SAMD14: variants seen among roughly 807,000 people sequenced by gnomAD.
SAMD14 encodes the protein sterile alpha motif domain-containing protein 14.
A neutral mutation model predicts 46.2 loss-of-function variants in SAMD14; 27 were observed. That is an observed-to-expected ratio of 0.58 (90% confidence interval 0.43 to 0.81). The LOEUF (loss-of-function observed/expected upper bound fraction) is 0.81. SAMD14 is among the 30% of genes least tolerant of loss of function. The pLI is 0.00. For synonymous variants in SAMD14, 241 were observed against 254.3 expected, an observed-to-expected ratio of 0.95 and a Z score of 0.50; for missense variants, 559 against 582.2, an observed-to-expected ratio of 0.96 and a Z score of 0.41.
At chr17:50,126,256 T>C (rs1911764553) in intron 1 of SAMD14, among the ~76,000 whole-genome samples, 1 of 152,092 alleles carries the variant, frequency 6.6e-6, no homozygotes, top group South Asian at 2.1e-4. Flanking sequence ...ACTCTTCTTT[T>C]CTGTTATTAC....
At chr17:50,125,541 A>G (rs1368604066) in intron 1 of SAMD14, among the ~76,000 whole-genome samples, 1 of 151,988 alleles carries the variant, frequency 6.6e-6, no homozygotes, top group African/African-American at 2.4e-5. Context: ...TTGCCTACTC[A>G]TCATCCATTC....
At chr17:50,127,744 T>C (rs1911845530) in intron 1 of SAMD14, among the ~76,000 whole-genome samples, 1 of 152,158 alleles carries the variant, frequency 6.6e-6, no homozygotes, top group African/African-American at 2.4e-5. Context: ...CAGGGGCTAC[T>C]AGCAAAGATC....
chr17:50,114,411 T>G lies in SAMD14; in HGVS notation c.823-105A>C, dbSNP rs771533384. 9 of 1,613,838 alleles carry G rather than the reference T, an allele frequency of 5.6e-6. No homozygotes were observed. In the South Asian group the frequency reaches 8.8e-5, roughly 16 times the overall value. On this transcript the variant is annotated intron_variant, in intron 7 of 9. Coordinates refer to ENST00000330175, the MANE Select transcript of SAMD14 (RefSeq NM_001257359.2). Reference sequence around the variant, plus strand: ...GGACTAGGCACCAGGAGTTGCTCAGTGCCTCCTGTGCATGAGCCAGGAGCT... The same window carrying G: ...GGACTAGGCACCAGGAGTTGCTCAGGGCCTCCTGTGCATGAGCCAGGAGCT...
chr17:50,114,621 T>G (rs1428948994), intron 7 of SAMD14: 19 of 603,318 alleles, frequency 3.1e-5, no homozygotes, highest in Non-Finnish European at 5.1e-5. Flanking sequence ...CTGGGTCAGG[T>G]GTCTCTGCTA....
intron 2 of SAMD14, chr17:50,124,230 G>A: frequency 2.2e-6 from 1 of 455,202 alleles, no homozygotes; most frequent in Non-Finnish European, 4.4e-6. Context: ...CCACACAAGA[G>A]AAGATTGCAG....
At chr17:50,125,096 A>G (rs1911705028) in intron 1 of SAMD14, 125 bp from the exon 2 acceptor site, 1 of 810,036 alleles carries the variant, frequency 1.2e-6, no homozygotes, top group Non-Finnish European at 2.0e-6. Context: ...CTTACCTTAG[A>G]ACCCTTCTTC....
intron 1 of SAMD14, among the ~76,000 whole-genome samples, chr17:50,126,870 C>T (rs933270586): frequency 3.3e-5 from 5 of 151,508 alleles, no homozygotes; most frequent in African/African-American, 9.7e-5. Flanking sequence ...GAGGCCGAGG[C>T]GGGCAGATCA....
intron 1 of SAMD14, among the ~76,000 whole-genome samples, chr17:50,127,145 CAAT>C (rs577717610): frequency 2.3e-4 from 34 of 150,844 alleles, no homozygotes; most frequent in East Asian, 1.2e-3. Flanking sequence ...TAAATAAAAG[CAAT>C]AATAATAATA....
rs34276548 is a variant in SAMD14 at position 50,129,864 on chromosome 17, A to G, written c.-360T>C. 12,110 of 138,070 alleles carry G rather than the reference A, an allele frequency of 0.088. 992 individuals are homozygous for G. Among genetic ancestry groups the G allele is most frequent in the East Asian group, 0.46 (2,329 of 5,074 alleles). The allele number at this position is 138,070 out of a possible 1,614,324, so 8.6% of individuals were successfully genotyped here. ...TGTGACAGAGAGAGAGAGAGAGAGA[A>G]GAGCGAAGAGCGAGCGCCACCTCCC... On this transcript the variant is annotated 5_prime_UTR_variant, in exon 1 of 10. Coordinates refer to ENST00000330175, the MANE Select transcript of SAMD14 (RefSeq NM_001257359.2). This position sits in a 1 kb window ranked among gnomAD's most constrained non-coding sequence, Gnocchi z 5.6.
Position 50,117,473 on chromosome 17 carries a change from C to G in SAMD14, c.433G>C (p.Ala145Pro). 2.9e-6 allele frequency: 4 copies of G among 1,400,764 alleles called. No individual in the cohort carries two copies. The highest frequency in any genetic ancestry group is 3.7e-6 in the Non-Finnish European group (4 of 1,085,348). 86.8% of individuals were successfully genotyped at this position (1,400,764 alleles called of 1,614,324 possible). Residue 145 changes from alanine (A) to proline (P), a missense_variant, in exon 4 of 10, where the codon GCG becomes CCG. Transcript: ENST00000330175. The part of the protein sequence containing the change: ...AAASCSPPRS[A>P]PSSDSSPSFV... The stretch of plus-strand genomic sequence containing the variant: ...CTGGGGGAGCTGTCGGAGGAGGGCG[C>G]GGAGCGCGGCGGAGAGCAGGAGGCG...
At position 50,118,250 on chromosome 17, in the gene SAMD14, C is replaced by A; in HGVS notation, c.121G>T (p.Gly41Cys). Residue 41 changes from glycine (G) to cysteine (C), a missense_variant, in exon 3 of 10, where the codon GGC (glycine) becomes TGC (cysteine). Coordinates refer to ENST00000330175, the MANE Select transcript of SAMD14 (RefSeq NM_001257359.2). ...HKARAQLLAK[G>C]RRHRPSRSRL... ...GAGCGGGATGGCCGGTGTCTCCGGC[C>A]CTTGGCCAACAGTTGGGCCCGGGCC... 6.2e-7 allele frequency: 1 copy of A among 1,613,948 alleles called. No individual in the cohort carries two copies. The highest frequency in any genetic ancestry group is 8.5e-7 in the Non-Finnish European group (1 of 1,179,956).
chr17:50,119,067 C>G (rs955335370), intron 2 of SAMD14, among the ~76,000 whole-genome samples: 1 of 152,184 alleles, frequency 6.6e-6, no homozygotes, highest in African/African-American at 2.4e-5. Context: ...TGCTGAGCAT[C>G]TAGAGGGCTT....
intron 2 of SAMD14, among the ~76,000 whole-genome samples, chr17:50,120,042 G>A (rs1397657402): frequency 1.3e-5 from 2 of 152,224 alleles, no homozygotes; most frequent in African/African-American, 2.4e-5. Context: ...TATTTACGGT[G>A]AAGGGATATG....
chr17:50,123,866 G>A (rs1348297087), intron 2 of SAMD14, among the ~76,000 whole-genome samples: 2 of 152,200 alleles, frequency 1.3e-5, no homozygotes, highest in East Asian at 1.9e-4. Flanking sequence ...GGAAGGGAGA[G>A]CTCGTTTCCG....
In SAMD14 at chr17:50,118,337, G is replaced by A. The variant is rs558349040; in HGVS notation, c.44-10C>T. ...ACAGCCAAGTCCAGGTCTGCGAACC[G>A]GGGGAGGGGAGCAGAGACCAGACAC... On this transcript the variant is annotated splice_polypyrimidine_tract_variant and intron_variant, in intron 2 of 9. Transcript: ENST00000330175. 4 of 1,610,354 alleles carry A rather than the reference G, an allele frequency of 2.5e-6. No homozygotes were observed. Among genetic ancestry groups the A allele is most frequent in the Admixed American group, 1.7e-5 (1 of 59,982 alleles).
Position 50,114,050 on chromosome 17 carries a change from G to A in SAMD14, c.972C>T (p.His324=). The change falls in exon 9 of 10, where the codon CAC becomes CAT. Residue 324 remains histidine, a synonymous_variant. Transcript: ENST00000330175. ...GGCCCACCTGCTGGCTGGTCCAGTG[G>A]TGGACAGGGGGGAGGGGTTCATCCA... ...EFLDEPLPPV[H]HWTSQQVGQW... is the part of the protein sequence containing the mutation. The A allele has an allele frequency of 6.2e-7, 1 of 1,613,692 alleles. No homozygotes were observed. Among genetic ancestry groups the A allele is most frequent in the Non-Finnish European group, 8.5e-7 (1 of 1,180,032 alleles).
At chr17:50,125,073 G>T in intron 1 of SAMD14, 102 bp from the exon 2 acceptor site, 1 of 1,015,990 alleles carries the variant, frequency 9.8e-7, no homozygotes. Flanking sequence ...CTCCAGGCCT[G>T]TTGGCCCCTC....
chr17:50,122,767 C>A (rs928461129), intron 2 of SAMD14, among the ~76,000 whole-genome samples: 5 of 152,006 alleles, frequency 3.3e-5, no homozygotes, highest in Admixed American at 6.5e-5. Flanking sequence ...GCAGAAGGAA[C>A]AAAAAGAGCA....
At chr17:50,114,163 G>A (rs1159239818) in intron 8 of SAMD14, 24 bp downstream of exon 8, 8 of 1,614,082 alleles carry the variant, frequency 5.0e-6, no homozygotes, top group Non-Finnish European at 6.8e-6. Flanking sequence ...GACTCCGTGG[G>A]CACCCTGGGC....
Sources: gnomAD v4.1 joint callset for allele counts (sites outside exome capture counted in the v4.1 genomes callset) on GRCh38, gnomAD v4.1.1 for gene constraint, Gnocchi (gnomAD v3.1) non-coding constraint, MANE v1.5 for transcripts, NCBI Gene and HGNC (gene_info 2026-07-23, HGNC 2026-07-21) for gene names.